The following PBX4 variants were observed in gnomAD, a reference collection of about 807,000 sequenced individuals.
PBX4 encodes the protein pre-B-cell leukemia transcription factor 4.
A neutral mutation model predicts 35.1 loss-of-function variants in PBX4; 26 were observed. The ratio of observed to expected loss-of-function variants is 0.74; its 90% confidence interval spans 0.54 to 1.03. The LOEUF is 1.03. PBX4 is among the 50% of genes least tolerant of loss of function. The probability of loss-of-function intolerance (pLI) is 0.00; values close to 1 mark genes in which losing one functional copy is unlikely to be tolerated. For missense variants in PBX4, 448 were observed against 504.3 expected, an observed-to-expected ratio of 0.89 and a Z score of 1.07; for synonymous variants, 199 against 204.2, an observed-to-expected ratio of 0.97 and a Z score of 0.22.
chr19:19,565,128 C>A, intron 5 of PBX4, 39 bp from the exon 6 acceptor site: 6 of 1,612,828 alleles, frequency 3.7e-6, no homozygotes, highest in South Asian at 1.1e-5. Context: ...GCTGACCCAG[C>A]GACTTCTGAG....
intron 2 of PBX4, 62 bp downstream of exon 2, chr19:19,599,230 G>A: frequency 6.4e-6 from 9 of 1,407,138 alleles, no homozygotes; most frequent in Non-Finnish European, 8.0e-6. Context: ...GCCTCCCAAT[G>A]TGCTGGGATT....
Position 19,586,686 on chromosome 19 carries a change from C to CT in PBX4, c.193+12605dup, listed in dbSNP as rs560708959. Among the ~76,000 whole-genome samples the CT allele has an allele frequency of 2.4e-4, 37 of 152,102 alleles. No individual in the cohort carries two copies. In the South Asian group the frequency reaches 7.5e-3, roughly 31 times the overall value. ...CTTGGCCGGGCATGATGGCTCCTGC[C>CT]TGTAATCCCAGCACTTTGGGAGGCC... On this transcript the variant is annotated intron_variant, in intron 2 of 7. Transcript: ENST00000251203.
At chr19:19,594,395 TAA>T (rs140724783) in intron 2 of PBX4, among the ~76,000 whole-genome samples, 26 of 126,250 alleles carry the variant, frequency 2.1e-4, no homozygotes, top group Admixed American at 4.9e-4. Context: ...AAACTCTGTC[TAA>T]AAAAAAAAAA....
In PBX4 at chr19:19,563,657, T is replaced by G. The variant is rs371969597; in HGVS notation, c.926-42A>C. On this transcript the variant is annotated intron_variant, in intron 6 of 7. Transcript: ENST00000251203. This position sits in a 1 kb window ranked among gnomAD's most constrained non-coding sequence, Gnocchi z 5.1. Reference sequence around the variant, plus strand: ...CCGGGGTGGGCAGAGTCGTGGCGCCTCCTCAGGTGGAACCCACCCAGCCCC... The same window carrying G: ...CCGGGGTGGGCAGAGTCGTGGCGCCGCCTCAGGTGGAACCCACCCAGCCCC... 78 of 1,502,594 alleles carry G rather than the reference T, an allele frequency of 5.2e-5. No homozygotes were observed. The highest frequency in any genetic ancestry group is 5.8e-5 in the Non-Finnish European group (64 of 1,105,896). 93.1% of individuals were successfully genotyped at this position (1,502,594 alleles called of 1,614,324 possible).
intron 2 of PBX4, among the ~76,000 whole-genome samples, chr19:19,590,474 T>C (rs1023491244): frequency 4.0e-4 from 60 of 151,006 alleles, no homozygotes; most frequent in Middle Eastern, 6.8e-3. Context: ...TTCTTTCTTT[T>C]TTTTTTTTTT....
chr19:19,571,808 G>A (rs181151142), intron 2 of PBX4, among the ~76,000 whole-genome samples: 26 of 152,122 alleles, frequency 1.7e-4, no homozygotes, highest in African/African-American at 6.0e-4. Flanking sequence ...TGAGGCGGGC[G>A]GATCACTTGA....
At position 19,570,752 on chromosome 19, in the gene PBX4, C is replaced by A; in HGVS notation, c.275G>T (p.Gly92Val). ...LRLDNMLLAE[G>V]VCRPEKRGRG... ...TCCTCTCTTCTCGGGCCTGCACACG[C>A]CCTCAGCCAGCAGCATGTTATCCAG... The change falls in exon 3 of 8, where the codon GGC (glycine) becomes GTC (valine). Residue 92 changes from glycine to valine, a missense_variant. By Grantham distance (109) the Gly-to-Val change is moderately radical. Transcript: ENST00000251203. 6.2e-7 allele frequency: 1 copy of A among 1,614,148 alleles called. No individual in the cohort carries two copies. The highest frequency in any genetic ancestry group is 8.5e-7 in the Non-Finnish European group (1 of 1,180,032).
At chr19:19,618,244 C>T (rs1214213585) in intron 1 of PBX4, among the ~76,000 whole-genome samples, 1 of 152,182 alleles carries the variant, frequency 6.6e-6, no homozygotes, top group African/African-American at 2.4e-5. Context: ...CCGTACGTGC[C>T]CATTTCTCAG....
chr19:19,609,877 C>A (rs1346715372), intron 1 of PBX4, among the ~76,000 whole-genome samples: 1 of 151,990 alleles, frequency 6.6e-6, no homozygotes, highest in Non-Finnish European at 1.5e-5. Context: ...GAAAGAAAAA[C>A]AAACAGTGAA....
intron 2 of PBX4, among the ~76,000 whole-genome samples, chr19:19,585,791 C>T (rs1961106604): frequency 6.6e-6 from 1 of 152,110 alleles, no homozygotes; most frequent in African/African-American, 2.4e-5. Context: ...GAGATCCACC[C>T]CCTGCCCAAA....
intron 1 of PBX4, among the ~76,000 whole-genome samples, chr19:19,613,814 A>G (rs2061675266): frequency 6.6e-6 from 1 of 152,192 alleles, no homozygotes; most frequent in South Asian, 2.1e-4. Flanking sequence ...CTGGGAACAC[A>G]AAGTATAATA....
chr19:19,579,521 C>T (rs778492788), intron 2 of PBX4, among the ~76,000 whole-genome samples: 12 of 152,232 alleles, frequency 7.9e-5, no homozygotes, highest in Non-Finnish European at 1.5e-4. Context: ...GCTCACCTGC[C>T]CCCTCACCCA....
intron 2 of PBX4, among the ~76,000 whole-genome samples, chr19:19,594,572 T>G (rs2061549825): frequency 6.6e-6 from 1 of 152,032 alleles, no homozygotes. Flanking sequence ...AACAGACTCA[T>G]GCAGTAACAT....
At chr19:19,575,499 T>C (rs2144724486) in intron 2 of PBX4, among the ~76,000 whole-genome samples, 1 of 152,208 alleles carries the variant, frequency 6.6e-6, no homozygotes, top group South Asian at 2.1e-4. Flanking sequence ...AAACAGACAA[T>C]GGCTGTCCTC....
chr19:19,598,531 C>T (rs1360643241), intron 2 of PBX4, among the ~76,000 whole-genome samples: 1 of 151,890 alleles, frequency 6.6e-6, no homozygotes, highest in East Asian at 1.9e-4. Flanking sequence ...CACCTGACCT[C>T]GTGATCCACC....
At chr19:19,588,033 C>A in intron 2 of PBX4, 1 of 608,462 alleles carries the variant, frequency 1.6e-6, no homozygotes. Context: ...GGCATCTTTT[C>A]TGAAAGCTGC....
intron 1 of PBX4, among the ~76,000 whole-genome samples, chr19:19,609,576 C>G (rs915915284): frequency 6.9e-6 from 1 of 144,870 alleles, no homozygotes; most frequent in Admixed American, 7.1e-5. Flanking sequence ...AAGAGCCAGG[C>G]GCAGTGATTC....
In PBX4 at chr19:19,562,663, C is replaced by T. The variant is rs1003025992; in HGVS notation, c.1033-546G>A. The stretch of plus-strand genomic sequence containing the variant: ...GGACCCACCCCCACTATGGTGGGCA[C>T]GGTACAGGTTAAGGAAGTGGCTGGG... On this transcript the variant is annotated intron_variant, in intron 7 of 7. Coordinates refer to ENST00000251203, the MANE Select transcript of PBX4 (RefSeq NM_025245.3). This position sits in a 1 kb window ranked among gnomAD's most constrained non-coding sequence, Gnocchi z 4.8. Among the ~76,000 whole-genome samples, 4 of 152,144 alleles carry T rather than the reference C, an allele frequency of 2.6e-5. No homozygotes were observed. Among genetic ancestry groups the T allele is most frequent in the East Asian group, 3.9e-4 (2 of 5,176 alleles).
At chr19:19,608,457 T>C (rs935504282) in intron 1 of PBX4, 4 of 151,624 alleles carry the variant, frequency 2.6e-5, no homozygotes, top group Non-Finnish European at 5.9e-5. Flanking sequence ...CCAGGACAAA[T>C]ACCTTAGAAA....
Sources: allele counts gnomAD v4.1 joint callset (sites outside exome capture counted in the v4.1 genomes callset), GRCh38; gene constraint gnomAD v4.1.1; non-coding constraint Gnocchi (gnomAD v3.1); transcripts MANE v1.5; gene names NCBI Gene and HGNC (gene_info 2026-07-23, HGNC 2026-07-21).